PATJ: variants seen among roughly 807,000 people sequenced by gnomAD.
PATJ encodes the protein PATJ crumbs cell polarity complex component.
In PATJ, 190 loss-of-function variants were observed where a neutral mutation model predicts 224.9. The observed-to-expected ratio is 0.84, with a 90% CI of 0.75 to 0.95. PATJ has a LOEUF of 0.95. Among genes scored for constraint, PATJ ranks in the 40% least tolerant of loss-of-function variants. PATJ has a pLI of 0.00. For missense variants in PATJ, 2,121 were observed against 2,270.3 expected, an observed-to-expected ratio of 0.93 and a Z score of 1.34; for synonymous variants, 769 against 820.3, an observed-to-expected ratio of 0.94 and a Z score of 1.07.
intron 17 of PATJ, among the ~76,000 whole-genome samples, chr1:61,855,391 T>C (rs1170222969): frequency 6.6e-6 from 1 of 152,190 alleles, no homozygotes; most frequent in African/African-American, 2.4e-5. Flanking sequence ...ACCTGATATT[T>C]GCGTGATGTT....
At chr1:62,106,965 C>A (rs1396353064) in intron 33 of PATJ, among the ~76,000 whole-genome samples, 1 of 152,022 alleles carries the variant, frequency 6.6e-6, no homozygotes, top group Non-Finnish European at 1.5e-5. Flanking sequence ...GGACTCAAAT[C>A]CCCACTGTGG....
intron 43 of PATJ, among the ~76,000 whole-genome samples, chr1:62,157,323 CA>C (rs1180556601): frequency 2.1e-5 from 3 of 144,752 alleles, no homozygotes; most frequent in Non-Finnish European, 1.5e-5. Flanking sequence ...GACTCCATCT[CA>C]AAAAAAAAAG....
At chr1:62,085,577 A>G (rs1314347898) in intron 33 of PATJ, among the ~76,000 whole-genome samples, 1 of 152,076 alleles carries the variant, frequency 6.6e-6, no homozygotes, top group Admixed American at 6.6e-5. Context: ...CCAGCATGGT[A>G]ACCGAGGCAG....
intron 39 of PATJ, among the ~76,000 whole-genome samples, chr1:62,125,545 A>G (rs1164633930): frequency 6.6e-6 from 1 of 152,220 alleles, no homozygotes; most frequent in African/African-American, 2.4e-5. Context: ...ATGATGGGGA[A>G]GTTAAATGTA....
intron 20 of PATJ, among the ~76,000 whole-genome samples, chr1:61,866,503 T>C (rs1665448978): frequency 6.6e-6 from 1 of 152,202 alleles, no homozygotes; most frequent in African/African-American, 2.4e-5. Context: ...TTTTTGATCG[T>C]TTAACACAGC....
intron 22 of PATJ, among the ~76,000 whole-genome samples, chr1:61,895,161 T>C (rs572651581): frequency 7.8e-4 from 119 of 152,256 alleles, no homozygotes; most frequent in African/African-American, 2.8e-3. Context: ...TTGGAACTTA[T>C]ATTTAAAAGG....
chr1:62,140,976 T>A (rs1462359978), intron 41 of PATJ, among the ~76,000 whole-genome samples: 1 of 151,796 alleles, frequency 6.6e-6, no homozygotes, highest in Non-Finnish European at 1.5e-5. Context: ...GAAGTGGGGG[T>A]GAGGTGGTGG....
At position 62,161,887 on chromosome 1, in the gene PATJ, C is replaced by CTGGT. The variant is rs1669866267; in HGVS notation, c.*833_*834insTGGT. 1.3e-5 allele frequency: 2 copies of CTGGT among 152,178 alleles called. No individual in the cohort carries two copies. The highest frequency in any genetic ancestry group is 2.9e-5 in the Non-Finnish European group (2 of 68,026). The allele number at this position is 152,178 out of a possible 1,614,324, so 9.4% of individuals were successfully genotyped here. A position where few individuals can be genotyped will look rare whatever the true frequency, so the allele number is the denominator to read the frequency against. On this transcript the variant is annotated 3_prime_UTR_variant, in exon 44 of 44. Coordinates refer to ENST00000642238, the MANE Select transcript of PATJ (RefSeq NM_001350145.3). ...GTGTAATTAATTTACCAGTGATCCC[C>CTGGT]AAGATGAAATACCAGATTCTCCTAT...
intron 31 of PATJ, among the ~76,000 whole-genome samples, chr1:62,054,093 A>C (rs1485361274): frequency 6.6e-6 from 1 of 152,196 alleles, no homozygotes; most frequent in African/African-American, 2.4e-5. Context: ...GTTCAACCTA[A>C]CATATACATA....
intron 14 of PATJ, among the ~76,000 whole-genome samples, chr1:61,814,681 C>A (rs958134329): frequency 6.6e-6 from 1 of 152,084 alleles, no homozygotes; most frequent in Non-Finnish European, 1.5e-5. Context: ...TCATTTTGAT[C>A]AGCTATGATT....
chr1:61,893,813 A>G (rs1293340194), intron 22 of PATJ, among the ~76,000 whole-genome samples: 3 of 151,772 alleles, frequency 2.0e-5, no homozygotes, highest in African/African-American at 7.3e-5. Context: ...GTGAATGCCT[A>G]TAATGATAGC....
chr1:62,055,072 T>A (rs542878303), intron 31 of PATJ, among the ~76,000 whole-genome samples: 41 of 151,958 alleles, frequency 2.7e-4, no homozygotes, highest in African/African-American at 8.9e-4. Flanking sequence ...GAAAAAAAAA[T>A]TTAAGTTTTT....
intron 19 of PATJ, 126 bp from the exon 20 acceptor site, chr1:61,864,112 C>T: frequency 1.5e-6 from 1 of 684,620 alleles, no homozygotes. Flanking sequence ...CTGTGGAGAG[C>T]TGTGCATGTT....
intron 25 of PATJ, among the ~76,000 whole-genome samples, chr1:61,909,637 GA>G (rs1387311111): frequency 3.9e-5 from 6 of 152,010 alleles, no homozygotes; most frequent in Non-Finnish European, 8.8e-5. Context: ...TACACCTGGT[GA>G]ATTTTTTTTT....
At chr1:61,919,819 C>G (rs2149255945) in intron 26 of PATJ, among the ~76,000 whole-genome samples, 1 of 152,132 alleles carries the variant, frequency 6.6e-6, no homozygotes, top group African/African-American at 2.4e-5. Flanking sequence ...TCTAATTTAG[C>G]TATAATCAGA....
At chr1:61,824,233 CTTT>C (rs11300876) in intron 15 of PATJ, among the ~76,000 whole-genome samples, 1 of 141,662 alleles carries the variant, frequency 7.1e-6, no homozygotes. Context: ...ATTTAATTCA[CTTT>C]TTTTTTTTTT....
Position 62,157,573 on chromosome 1 carries a change from G to A in PATJ, c.5503-3335G>A, listed in dbSNP as rs1196614055. On this transcript the variant is annotated intron_variant, in intron 43 of 43. Transcript: ENST00000642238. ...AGGAGGGGGATGATGGCTCATGCCT[G>A]TAATCCCAGCACTGTGGGAGGCCAA... 2.7e-5 allele frequency among the ~76,000 whole-genome samples: 4 copies of A among 148,678 alleles called. 1 individual carries two copies. The highest frequency in any genetic ancestry group is 6.0e-5 in the Non-Finnish European group (4 of 66,892).
intron 21 of PATJ, among the ~76,000 whole-genome samples, chr1:61,883,982 ATT>A (rs66955606): frequency 0.98 from 149,510 of 151,802 alleles, 73,665 homozygotes; most frequent in East Asian, 1. Context: ...CATAAATGCC[ATT>A]TTTTTTTAGT....
chr1:61,890,296 T>C (rs1007213921), intron 22 of PATJ, among the ~76,000 whole-genome samples: 1 of 152,112 alleles, frequency 6.6e-6, no homozygotes, highest in Middle Eastern at 3.4e-3. Context: ...CTGGGCAACA[T>C]AGTGAAAACC....
Sources: allele counts gnomAD v4.1 joint callset (sites outside exome capture counted in the v4.1 genomes callset), GRCh38; gene constraint gnomAD v4.1.1; transcripts MANE v1.5; gene names NCBI Gene and HGNC (gene_info 2026-07-23, HGNC 2026-07-21).